ICAM1: variants seen among roughly 807,000 people sequenced by gnomAD.
ICAM1 encodes the protein ICAM-1.
Under a neutral mutation model 42.3 loss-of-function variants are expected in ICAM1, and 28 were observed. The observed-to-expected ratio is 0.66, with a 90% confidence interval of 0.49 to 0.91. The LOEUF is 0.91. ICAM1 is among the 40% of genes least tolerant of loss of function. The probability of loss-of-function intolerance (pLI) is 0.00; values close to 1 mark genes in which losing one functional copy is unlikely to be tolerated. For synonymous variants in ICAM1, 304 were observed against 305.9 expected (o/e 0.99, Z 0.07); for missense variants, 637 against 688.6 (o/e 0.93, Z 0.84).
In ICAM1 at chr19:10,283,509, C is replaced by CCT; in HGVS notation, c.362_363dup (p.Pro122SerfsTer37). Reference sequence around the variant, plus strand: ...CTCCAGAACGGGTGGAACTGGCACCCCTCCCCTCTTGGCAGCCAGTGGGCA... The same window carrying CCT: ...CTCCAGAACGGGTGGAACTGGCACCCCTCTCCCCTCTTGGCAGCCAGTGGGCA... On this transcript the variant is annotated frameshift_variant, in exon 3 of 7. Transcript: ENST00000264832. LOFTEE classifies it high-confidence loss of function. The CCT allele has an allele frequency of 6.3e-7, 1 of 1,585,612 alleles. No individual in the cohort carries two copies. The highest frequency in any genetic ancestry group is 1.1e-5 in the South Asian group (1 of 87,398).
At chr19:10,271,450 A>G (rs1435791417) in intron 1 of ICAM1, among the ~76,000 whole-genome samples, 2 of 151,308 alleles carry the variant, frequency 1.3e-5, no homozygotes, top group Non-Finnish European at 2.9e-5. Flanking sequence ...GGGGTTGGAG[A>G]TGGAGGGGAG....
chr19:10,283,752 G>A lies in ICAM1; in HGVS notation c.603G>A (p.Glu201=). 1 of 1,611,620 alleles carries A rather than the reference G, an allele frequency of 6.2e-7. No homozygotes were observed. Among genetic ancestry groups the A allele is most frequent in the Non-Finnish European group, 8.5e-7 (1 of 1,178,942 alleles). Residue 201 remains glutamate (E), a synonymous_variant, in exon 3 of 7, where the codon GAG becomes GAA. Coordinates refer to ENST00000264832, the MANE Select transcript of ICAM1 (RefSeq NM_000201.3). ...DLRPQGLELF[E]NTSAPYQLQT... ...GGCCCCAAGGGCTGGAGCTGTTTGA[G>A]AACACCTCGGCCCCCTACCAGCTCC...
intron 2 of ICAM1, among the ~76,000 whole-genome samples, chr19:10,277,169 G>C (rs2040023552): frequency 1.3e-5 from 2 of 151,778 alleles, no homozygotes; most frequent in Non-Finnish European, 2.9e-5. Flanking sequence ...CTTGGGTGTG[G>C]AGAATTCTTT....
intron 1 of ICAM1, 70 bp downstream of exon 1, chr19:10,271,296 G>A: frequency 7.3e-7 from 1 of 1,371,524 alleles, no homozygotes; most frequent in Non-Finnish European, 1.0e-6. Context: ...CCCGGGTCAG[G>A]TCATGCATGC....
At chr19:10,283,815 A>G in intron 3 of ICAM1, 29 bp downstream of exon 3, 3 of 999,142 alleles carry the variant, frequency 3.0e-6, no homozygotes, top group Admixed American at 1.9e-5. Flanking sequence ...AGCAGGGAGA[A>G]GGTGGGGGTG....
At position 10,271,186 on chromosome 19, in the gene ICAM1, G is replaced by GCTGCCCGCA. The variant is rs1267975714; in HGVS notation, c.30_38dup (p.Pro11_Leu13dup). 3 of 1,613,016 alleles carry GCTGCCCGCA rather than the reference G, an allele frequency of 1.9e-6. No homozygotes were observed. The highest frequency in any genetic ancestry group is 2.5e-6 in the Non-Finnish European group (3 of 1,179,774). ...TGGCTCCCAGCAGCCCCCGGCCCGC[G>GCTGCCCGCA]CTGCCCGCACTCCTGGTCCTGCTCG... On this transcript the variant is annotated inframe_insertion, in exon 1 of 7. Coordinates refer to ENST00000264832, the MANE Select transcript of ICAM1 (RefSeq NM_000201.3).
intron 2 of ICAM1, among the ~76,000 whole-genome samples, chr19:10,280,559 T>C (rs936755046): frequency 7.3e-5 from 11 of 150,654 alleles, no homozygotes; most frequent in South Asian, 4.2e-4. Context: ...TTTTTTTTTT[T>C]CTTTGGTGTT....
intron 2 of ICAM1, among the ~76,000 whole-genome samples, chr19:10,277,222 C>T (rs1045840686): frequency 6.6e-6 from 1 of 151,998 alleles, no homozygotes; most frequent in Non-Finnish European, 1.5e-5. Flanking sequence ...CTCTTGTTGC[C>T]CAGGCTGGAG....
rs1437498223 is a variant in ICAM1, at chr19:10,285,317, G to A, written c.*30G>A. On this transcript the variant is annotated 3_prime_UTR_variant, in exon 7 of 7. Transcript: ENST00000264832. ...ATCCCGGGACAGGGCCTCTTCCTCG[G>A]CCTTCCCATATTGGTGGCAGTGGTG... 6.2e-7 allele frequency: 1 copy of A among 1,604,728 alleles called. No individual in the cohort carries two copies. The highest frequency in any genetic ancestry group is 8.5e-7 in the Non-Finnish European group (1 of 1,174,494).
chr19:10,285,196 A>G lies in ICAM1; in HGVS notation c.1508A>G (p.Tyr503Cys), dbSNP rs764821022. Residue 503 changes from tyrosine to cysteine, a missense_variant, in exon 7 of 7, where the codon TAT becomes TGT. Tyr to Cys is a radical substitution (Grantham distance 194, BLOSUM62 -2). Transcript: ENST00000264832. Reference sequence around the variant, plus strand: ...ACTGCAGGCCTCAGCACGTACCTCTATAACCGCCAGCGGAAGATCAAGAAA... The same window carrying G: ...ACTGCAGGCCTCAGCACGTACCTCTGTAACCGCCAGCGGAAGATCAAGAAA... Reference protein sequence around the residue: ...MGTAGLSTYLYNRQRKIKKYR... With the variant: ...MGTAGLSTYLCNRQRKIKKYR... 6 of 1,614,186 alleles carry G rather than the reference A, an allele frequency of 3.7e-6. No individual in the cohort carries two copies. The Admixed American group carries it at 5.0e-5, about 13-fold the overall frequency.
rs1485425363 is a variant in ICAM1, at chr19:10,274,849, C to A, written c.152C>A (p.Ser51Tyr). ...GGSVLVTCST[S>Y]CDQPKLLGIE... ...TCCGTGCTGGTGACATGCAGCACCT[C>A]CTGTGACCAGCCCAAGTTGTTGGGC... Residue 51 changes from serine (S) to tyrosine (Y), a missense_variant, in exon 2 of 7, where the codon TCC (serine) becomes TAC (tyrosine). By Grantham distance (144) the Ser-to-Tyr change is moderately radical. Transcript: ENST00000264832. 1.9e-6 allele frequency: 3 copies of A among 1,614,092 alleles called. No homozygotes were observed. In the African/African-American group the frequency reaches 4.0e-5, roughly 22 times the overall value.
In ICAM1 at chr19:10,283,697, A is replaced by AT; in HGVS notation, c.551dup (p.Ser185LeufsTer5). The AT allele has an allele frequency of 6.2e-7, 1 of 1,613,864 alleles. No individual in the cohort carries two copies. The highest frequency in any genetic ancestry group is 8.5e-7 in the Non-Finnish European group (1 of 1,179,932). On this transcript the variant is annotated frameshift_variant, in exon 3 of 7. Transcript: ENST00000264832. LOFTEE classifies it high-confidence loss of function. ...GTGAGGAGAGATCACCATGGAGCCAATTTCTCGTGCCGCACTGAACTGGAC... is the reference window on the plus strand; with the variant it reads ...GTGAGGAGAGATCACCATGGAGCCAATTTTCTCGTGCCGCACTGAACTGGAC...
At position 10,284,490 on chromosome 19, in the gene ICAM1, C is replaced by T. The variant is rs1340666091; in HGVS notation, c.1013C>T (p.Ala338Val). 1.2e-6 allele frequency: 2 copies of T among 1,614,078 alleles called. No homozygotes were observed. The highest frequency in any genetic ancestry group is 2.2e-5 in the South Asian group (2 of 91,084). The change falls in exon 5 of 7, where the codon GCC becomes GTC. Residue 338 changes from alanine (A) to valine (V), a missense_variant. By Grantham distance (64) the Ala-to-Val change is moderately conservative (BLOSUM62 0). Transcript: ENST00000264832. The surrounding 1 kb of genome is among the most constrained non-coding windows in gnomAD (Gnocchi z 5.4). ...VTVKCEAHPR[A>V]KVTLNGVPAQ... The stretch of plus-strand genomic sequence containing the variant: ...GTGAAGTGTGAGGCCCACCCTAGAG[C>T]CAAGGTGACGCTGAATGGGGTTCCA...
intron 2 of ICAM1, 80 bp downstream of exon 2, chr19:10,275,108 G>A: frequency 1.4e-6 from 2 of 1,451,852 alleles, no homozygotes; most frequent in African/African-American, 2.8e-5. Context: ...AGGCCTGGGG[G>A]AATCTTTGCC....
chr19:10,277,565 G>A (rs1385741623), intron 2 of ICAM1, among the ~76,000 whole-genome samples: 1 of 152,000 alleles, frequency 6.6e-6, no homozygotes, highest in East Asian at 1.9e-4. Flanking sequence ...TCAGCTCACT[G>A]CAACCTCTCC....
intron 2 of ICAM1, among the ~76,000 whole-genome samples, chr19:10,278,738 C>T (rs975237645): frequency 4.0e-5 from 6 of 151,758 alleles, no homozygotes; most frequent in East Asian, 1.9e-4. Context: ...GACAGGGTTT[C>T]GCCAAGTTGG....
intron 2 of ICAM1, chr19:10,282,181 C>G (rs1414640050): frequency 1.3e-5 from 2 of 152,160 alleles, no homozygotes; most frequent in Non-Finnish European, 2.9e-5. Flanking sequence ...GATCCTCCTG[C>G]CTCAGCCTCC....
At chr19:10,273,945 C>T (rs2039999767) in intron 1 of ICAM1, among the ~76,000 whole-genome samples, 1 of 151,324 alleles carries the variant, frequency 6.6e-6, no homozygotes, top group African/African-American at 2.4e-5. Context: ...ACCCGGGAGG[C>T]AAAGGTTGCA....
In ICAM1 at chr19:10,285,573, G is replaced by T; in HGVS notation, c.*286G>T. ...GATGTTAAAGTCTAGCCTGATGAGA[G>T]GGGAAGTGGTGGGGGAGACATAGCC... On this transcript the variant is annotated 3_prime_UTR_variant, in exon 7 of 7. Transcript: ENST00000264832. 2.6e-6 allele frequency: 1 copy of T among 378,974 alleles called. No individual in the cohort carries two copies. The highest frequency in any genetic ancestry group is 4.8e-6 in the Non-Finnish European group (1 of 207,418). 23.5% of individuals were successfully genotyped at this position (378,974 alleles called of 1,614,324 possible). A position where few individuals can be genotyped will look rare whatever the true frequency, so the allele number is the denominator to read the frequency against.
Sources: allele counts gnomAD v4.1 joint callset (sites outside exome capture counted in the v4.1 genomes callset), GRCh38; gene constraint gnomAD v4.1.1; non-coding constraint Gnocchi (gnomAD v3.1); transcripts MANE v1.5; gene names NCBI Gene and HGNC (gene_info 2026-07-23, HGNC 2026-07-21).